ST7: variants seen among roughly 807,000 people sequenced by gnomAD.
ST7 encodes suppressor of tumorigenicity 7 protein.
Under a neutral mutation model 78.7 loss-of-function variants are expected in ST7, and 28 were observed. That is an observed-to-expected ratio of 0.36 (90% CI 0.26 to 0.49). The LOEUF (loss-of-function observed/expected upper bound fraction) is 0.49, where lower values mean the gene tolerates loss of function less well. Among genes scored for constraint, ST7 ranks in the 20% least tolerant of loss-of-function variants. ST7 has a pLI of 0.99. For synonymous variants in ST7, 247 were observed against 249.6 expected (o/e 0.99, Z 0.10); for missense variants, 418 against 696.0 (o/e 0.60, Z 4.49).
At chr7:117,054,844 C>T (rs2116396429) in intron 1 of ST7, among the ~76,000 whole-genome samples, 1 of 152,302 alleles carries the variant, frequency 6.6e-6, no homozygotes, top group South Asian at 2.1e-4. Context: ...ATACATCCAT[C>T]TCATGATATT....
intron 9 of ST7, among the ~76,000 whole-genome samples, chr7:117,155,031 G>T (rs1369365312): frequency 6.6e-6 from 1 of 152,112 alleles, no homozygotes; most frequent in Non-Finnish European, 1.5e-5. Context: ...AGACATGAAT[G>T]ATAAAGGCAG....
chr7:117,144,551 T>G (rs1199453991), intron 9 of ST7, among the ~76,000 whole-genome samples: 6 of 150,852 alleles, frequency 4.0e-5, no homozygotes, highest in Non-Finnish European at 5.9e-5. Flanking sequence ...GAGGATCACC[T>G]GAGCCTGGTA....
At chr7:117,032,735 A>G (rs1210236444) in intron 1 of ST7, among the ~76,000 whole-genome samples, 1 of 152,248 alleles carries the variant, frequency 6.6e-6, no homozygotes, top group Non-Finnish European at 1.5e-5. Context: ...ATCTATAAAC[A>G]TATTCATCCA....
chr7:117,078,004 C>T (rs902089252), intron 1 of ST7, among the ~76,000 whole-genome samples: 1 of 152,088 alleles, frequency 6.6e-6, no homozygotes, highest in Non-Finnish European at 1.5e-5. Flanking sequence ...CTGGAGTTGT[C>T]ATTAGAGATT....
chr7:117,046,009 C>A (rs541875479), intron 1 of ST7, among the ~76,000 whole-genome samples: 2 of 152,192 alleles, frequency 1.3e-5, no homozygotes, highest in Non-Finnish European at 2.9e-5. Flanking sequence ...ATAATGTATT[C>A]ATTCACACCT....
chr7:117,011,564 C>T (rs1292991560), intron 1 of ST7, among the ~76,000 whole-genome samples: 5 of 152,060 alleles, frequency 3.3e-5, no homozygotes, highest in East Asian at 1.9e-4. Flanking sequence ...AATGAGTGGC[C>T]GTGTTGGCTA....
chr7:117,157,429 T>G (rs554506316), intron 9 of ST7, among the ~76,000 whole-genome samples: 1 of 152,304 alleles, frequency 6.6e-6, no homozygotes, highest in South Asian at 2.1e-4. Context: ...AAGAGAATGT[T>G]AGAAGGCAAA....
intron 1 of ST7, among the ~76,000 whole-genome samples, chr7:116,999,844 T>C (rs1794843173): frequency 7.5e-6 from 1 of 133,098 alleles, no homozygotes; most frequent in East Asian, 2.3e-4. Flanking sequence ...AGAGTCTCGC[T>C]GTGTCACCCA....
chr7:117,168,709 T>C (rs925397300), intron 9 of ST7, among the ~76,000 whole-genome samples: 10 of 152,330 alleles, frequency 6.6e-5, no homozygotes, highest in Admixed American at 3.3e-4. Context: ...TAGGGGTTTT[T>C]CGTTAGTAAT....
At chr7:117,116,844 C>G (rs912651035) in intron 2 of ST7, among the ~76,000 whole-genome samples, 2 of 152,136 alleles carry the variant, frequency 1.3e-5, no homozygotes, top group African/African-American at 2.4e-5. Flanking sequence ...TATTACAAAG[C>G]AAATGTCCAG....
intron 1 of ST7, among the ~76,000 whole-genome samples, chr7:117,061,329 C>T (rs1172614666): frequency 1.3e-5 from 2 of 152,138 alleles, no homozygotes; most frequent in Non-Finnish European, 2.9e-5. Context: ...GCAGGAAGAG[C>T]AAGTCTTAAA....
intron 1 of ST7, among the ~76,000 whole-genome samples, chr7:116,976,436 A>G (rs1363335354): frequency 6.6e-6 from 1 of 152,150 alleles, no homozygotes; most frequent in Non-Finnish European, 1.5e-5. Context: ...TGCAGGTTGG[A>G]TTGAGGTTGG....
chr7:117,189,025 A>G (rs1809537962), intron 10 of ST7, among the ~76,000 whole-genome samples: 1 of 152,214 alleles, frequency 6.6e-6, no homozygotes, highest in East Asian at 1.9e-4. Flanking sequence ...ATATATTTAT[A>G]GCTATACTCT....
At chr7:117,036,687 T>C (rs1796913687) in intron 1 of ST7, among the ~76,000 whole-genome samples, 1 of 152,208 alleles carries the variant, frequency 6.6e-6, no homozygotes, top group African/African-American at 2.4e-5. Flanking sequence ...GGGGTAGCCA[T>C]ATATCATATT....
intron 12 of ST7, chr7:117,198,664 C>G (rs1057201556): frequency 5.6e-6 from 1 of 178,804 alleles, no homozygotes; most frequent in Non-Finnish European, 1.2e-5. Flanking sequence ...TACCCCAACA[C>G]AACACTTCAC....
At position 116,953,639 on chromosome 7, in the gene ST7, C is replaced by G. The variant is rs139362546; in HGVS notation, c.99C>G (p.Phe33Leu). 1 of 1,507,416 alleles carries G rather than the reference C, an allele frequency of 6.6e-7. No homozygotes were observed. The highest frequency in any genetic ancestry group is 9.0e-7 in the Non-Finnish European group (1 of 1,115,634). 93.4% of individuals were successfully genotyped at this position (1,507,416 alleles called of 1,614,324 possible). ...LWTVWFFIVL[F>L]LVYILRVPLK... ...CCGTGTGGTTCTTCATCGTGCTATT[C>G]CTGGTCTACATCCTGCGGGTGCCTT... is the stretch of plus-strand genomic sequence containing the variant. Residue 33 changes from phenylalanine to leucine, a missense_variant, in exon 1 of 16, where the codon TTC (phenylalanine) becomes TTG (leucine). Phe to Leu is a conservative substitution (Grantham distance 22). Coordinates refer to ENST00000323984, the MANE Select transcript of ST7 (RefSeq NM_001369598.1).
intron 1 of ST7, chr7:116,959,255 TACA>T (rs1364776989): frequency 1.3e-5 from 6 of 470,954 alleles, no homozygotes; most frequent in Non-Finnish European, 2.6e-5. Context: ...TACAAGGAAT[TACA>T]ACAATTCAGT....
At chr7:117,077,071 C>A (rs574535022) in intron 1 of ST7, among the ~76,000 whole-genome samples, 119 of 152,270 alleles carry the variant, frequency 7.8e-4, no homozygotes, top group Non-Finnish European at 9.6e-4. Context: ...CCCCTGGAGT[C>A]TGGCTGTCTC....
At chr7:117,129,751 C>T (rs1804179328) in intron 3 of ST7, 42 bp from the exon 4 acceptor site, 2 of 1,526,764 alleles carry the variant, frequency 1.3e-6, no homozygotes, top group Admixed American at 1.7e-5. Flanking sequence ...TGTAGTGTCA[C>T]TGAACTTACG....
Sources: gnomAD v4.1 joint callset for allele counts (sites outside exome capture counted in the v4.1 genomes callset) on GRCh38, gnomAD v4.1.1 for gene constraint, MANE v1.5 for transcripts, NCBI Gene and HGNC (gene_info 2026-07-23, HGNC 2026-07-21) for gene names.